LMNTD1: variants seen among roughly 807,000 people sequenced by gnomAD.
LMNTD1 encodes lamin tail domain-containing protein 1.
LMNTD1 carries 35 observed loss-of-function variants against 50.9 expected under a neutral mutation model. The ratio of observed to expected loss-of-function variants is 0.69; its 90% confidence interval spans 0.53 to 0.91. The LOEUF (loss-of-function observed/expected upper bound fraction) is 0.91, where lower values mean the gene tolerates loss of function less well. Ranked by LOEUF, LMNTD1 falls within the 40% of genes least tolerant of loss-of-function variation. LMNTD1 has a pLI of 0.00. For missense variants in LMNTD1, 470 were observed against 475.5 expected, an observed-to-expected ratio of 0.99 and a Z score of 0.11; for synonymous variants, 153 against 161.9, an observed-to-expected ratio of 0.94 and a Z score of 0.42.
At chr12:25,544,064 A>C (rs1943272608) in intron 4 of LMNTD1, among the ~76,000 whole-genome samples, 1 of 151,924 alleles carries the variant, frequency 6.6e-6, no homozygotes, top group Admixed American at 6.6e-5. Flanking sequence ...ATTGGGTGAA[A>C]TGTTCTGCAC....
At chr12:25,596,392 T>C (rs1945846365) in intron 1 of LMNTD1, among the ~76,000 whole-genome samples, 1 of 152,142 alleles carries the variant, frequency 6.6e-6, no homozygotes, top group East Asian at 1.9e-4. Context: ...AAGAGGGGTT[T>C]CATACCAGGG....
chr12:25,587,258 G>A (rs932235475), intron 1 of LMNTD1, among the ~76,000 whole-genome samples: 1 of 152,052 alleles, frequency 6.6e-6, no homozygotes, highest in East Asian at 1.9e-4. Context: ...GTGTCAGTTC[G>A]TTCTATTATT....
chr12:25,550,289 T>C (rs930010749), intron 2 of LMNTD1, among the ~76,000 whole-genome samples: 27 of 152,224 alleles, frequency 1.8e-4, no homozygotes, highest in Non-Finnish European at 1.9e-4. Context: ...ACAATTATTT[T>C]ACAAGTTAAA....
intron 4 of LMNTD1, among the ~76,000 whole-genome samples, chr12:25,538,402 G>A (rs569122635): frequency 3.3e-5 from 5 of 150,758 alleles, no homozygotes; most frequent in African/African-American, 1.2e-4. Flanking sequence ...AGCTGGAAGA[G>A]AGTGGGGACC....
intron 1 of LMNTD1, among the ~76,000 whole-genome samples, chr12:25,619,250 CTCTA>C (rs1456562470): frequency 7.1e-3 from 559 of 79,244 alleles, no homozygotes; most frequent in African/African-American, 0.011. Flanking sequence ...CTCTCTCTCT[CTCTA>C]TATATATATA....
intron 1 of LMNTD1, among the ~76,000 whole-genome samples, chr12:25,642,285 G>A (rs1004744096): frequency 1.3e-5 from 2 of 152,176 alleles, no homozygotes; most frequent in Admixed American, 1.3e-4. Flanking sequence ...GGAACCTTCG[G>A]AGGGTAATTA....
intron 1 of LMNTD1, among the ~76,000 whole-genome samples, chr12:25,638,304 A>G (rs1487438990): frequency 3.3e-5 from 5 of 152,088 alleles, no homozygotes; most frequent in South Asian, 2.1e-4. Context: ...CTCTCATCAC[A>G]TCTATTCAAT....
chr12:25,519,586 T>TTTA (rs781742784), intron 7 of LMNTD1, among the ~76,000 whole-genome samples: 1 of 74,956 alleles, frequency 1.3e-5, no homozygotes, highest in Non-Finnish European at 2.3e-5. Flanking sequence ...AGACTCTGTC[T>TTTA]CAAAAAAAAA....
At chr12:25,535,122 T>G (rs1942493696) in intron 4 of LMNTD1, among the ~76,000 whole-genome samples, 1 of 152,180 alleles carries the variant, frequency 6.6e-6, no homozygotes, top group Non-Finnish European at 1.5e-5. Flanking sequence ...AAAATCCTTA[T>G]AACTGTATTT....
At chr12:25,612,031 T>C (rs1399672914) in intron 1 of LMNTD1, among the ~76,000 whole-genome samples, 2 of 152,192 alleles carry the variant, frequency 1.3e-5, no homozygotes, top group Non-Finnish European at 2.9e-5. Flanking sequence ...GAGTGCTTAT[T>C]AAGCTTGTTT....
chr12:25,588,058 T>C (rs993715621), intron 1 of LMNTD1, among the ~76,000 whole-genome samples: 1 of 152,166 alleles, frequency 6.6e-6, no homozygotes, highest in African/African-American at 2.4e-5. Context: ...GTTAGGCTAC[T>C]GGTATTAAGG....
chr12:25,548,611 G>A (rs927981662), intron 3 of LMNTD1, among the ~76,000 whole-genome samples: 12 of 151,872 alleles, frequency 7.9e-5, no homozygotes, highest in African/African-American at 2.2e-4. Flanking sequence ...GAGATGTTAC[G>A]TACTCTACCT....
chr12:25,527,640 CTATATATATATATATATA>C (rs61347000), intron 4 of LMNTD1, among the ~76,000 whole-genome samples: 8 of 61,720 alleles, frequency 1.3e-4, no homozygotes, highest in African/African-American at 3.1e-4. Flanking sequence ...CTTAATAACA[CTATATATATATATATATA>C]TATATATATA....
intron 1 of LMNTD1, among the ~76,000 whole-genome samples, chr12:25,586,864 T>C (rs1393064037): frequency 6.6e-6 from 1 of 152,208 alleles, no homozygotes; most frequent in Non-Finnish European, 1.5e-5. Context: ...TCTTGGAGGT[T>C]ATATTTCTAA....
At chr12:25,631,894 C>CA (rs1281529285) in intron 1 of LMNTD1, among the ~76,000 whole-genome samples, 2 of 151,684 alleles carry the variant, frequency 1.3e-5, no homozygotes, top group Non-Finnish European at 2.9e-5. Flanking sequence ...AAGGAAACCC[C>CA]AAAAAAGATA....
chr12:25,496,001 A>G (rs1939050438), intron 9 of LMNTD1, among the ~76,000 whole-genome samples: 1 of 152,246 alleles, frequency 6.6e-6, no homozygotes, highest in African/African-American at 2.4e-5. Context: ...AAGATCAATG[A>G]ATCAGAGATA....
intron 1 of LMNTD1, among the ~76,000 whole-genome samples, chr12:25,620,436 T>C (rs1330991444): frequency 6.6e-6 from 1 of 151,842 alleles, no homozygotes; most frequent in African/African-American, 2.4e-5. Flanking sequence ...AAATGATAAA[T>C]TTCTAGTTTC....
chr12:25,607,108 G>C (rs1489320634), intron 1 of LMNTD1, among the ~76,000 whole-genome samples: 1 of 152,152 alleles, frequency 6.6e-6, no homozygotes, highest in East Asian at 1.9e-4. Flanking sequence ...AGATTTTCTA[G>C]TTTATTTGCG....
chr12:25,571,446 C>G (rs1232163255), intron 1 of LMNTD1, among the ~76,000 whole-genome samples: 1 of 151,962 alleles, frequency 6.6e-6, no homozygotes, highest in Non-Finnish European at 1.5e-5. Context: ...TCACTGCAAG[C>G]TCTGCCACCC....
Sources: allele counts gnomAD v4.1 joint callset (sites outside exome capture counted in the v4.1 genomes callset), GRCh38; gene constraint gnomAD v4.1.1; transcripts MANE v1.5; gene names NCBI Gene and HGNC (gene_info 2026-07-23, HGNC 2026-07-21).